Variants in TNFSF18 observed in about 807,000 individuals in gnomAD.
TNFSF18 encodes tumor necrosis factor ligand superfamily member 18.
A neutral mutation model predicts 9.6 loss-of-function variants in TNFSF18; 6 were observed. The ratio of observed to expected loss-of-function variants is 0.63; its 90% CI spans 0.34 to 1.24. The LOEUF is 1.24. Among genes scored for constraint, TNFSF18 ranks in the 50% most tolerant of loss-of-function variants. TNFSF18 has a pLI of 0.03. For synonymous variants in TNFSF18, 68 were observed against 71.7 expected (o/e 0.95, Z 0.26); for missense variants, 210 against 201.0 (o/e 1.04, Z -0.27).
intron 1 of TNFSF18, among the ~76,000 whole-genome samples, chr1:173,048,019 C>T (rs1393389619): frequency 6.6e-6 from 1 of 152,092 alleles, no homozygotes; most frequent in Non-Finnish European, 1.5e-5. Context: ...TACTTTATGT[C>T]AGATACTCTA....
In TNFSF18 at chr1:173,041,371, G is replaced by C; in HGVS notation, c.530C>G (p.Ser177Cys). 6.2e-7 allele frequency: 1 copy of C among 1,602,218 alleles called. No homozygotes were observed. Residue 177 changes from serine to cysteine, a missense_variant, in exon 3 of 3, where the codon TCC (serine) becomes TGC (cysteine). Physicochemically the swap from Ser to Cys is moderately radical, Grantham distance 112 (BLOSUM62 -1). Transcript: ENST00000404377. ...IILLANPQFI[S>C] ...TGAGGAGATCAAATCAAGTCTCTAGGAGATGAATTGGGGATTTGCTAGTAA... is the reference window on the plus strand; with the variant it reads ...TGAGGAGATCAAATCAAGTCTCTAGCAGATGAATTGGGGATTTGCTAGTAA...
intron 1 of TNFSF18, among the ~76,000 whole-genome samples, chr1:173,044,171 CT>C (rs1403217610): frequency 6.6e-6 from 1 of 152,062 alleles, no homozygotes; most frequent in Non-Finnish European, 1.5e-5. Context: ...TATTACCTAG[CT>C]TCCCTTTTAG....
intron 1 of TNFSF18, 38 bp downstream of exon 1, chr1:173,050,703 A>G: frequency 7.4e-7 from 1 of 1,358,158 alleles, no homozygotes; most frequent in Non-Finnish European, 1.0e-6. Flanking sequence ...ATAGAGGATT[A>G]TAGCAAATAG....
Position 173,040,143 on chromosome 1 carries a change from G to A in TNFSF18, c.*1224C>T, listed in dbSNP as rs562102170. ...TTTAGAAGTTAGCACATTTGACTAAGATGGGCCCTGCAAAGTGAAGAGGGG... is the reference window on the plus strand; with the variant it reads ...TTTAGAAGTTAGCACATTTGACTAAAATGGGCCCTGCAAAGTGAAGAGGGG... On this transcript the variant is annotated 3_prime_UTR_variant, in exon 3 of 3. Coordinates refer to ENST00000404377, the MANE Select transcript of TNFSF18 (RefSeq NM_005092.4). 3.3e-5 allele frequency: 5 copies of A among 151,978 alleles called. No individual in the cohort carries two copies. The highest frequency in any genetic ancestry group is 1.3e-4 in the Admixed American group (2 of 15,220). The allele number at this position is 151,978 out of a possible 1,614,324, so 9.4% of individuals were successfully genotyped here.
At chr1:173,041,776 TC>T in intron 2 of TNFSF18, 63 bp from the exon 3 acceptor site, 1 of 1,433,500 alleles carries the variant, frequency 7.0e-7, no homozygotes, top group African/African-American at 1.4e-5. Context: ...TTCATCCTTT[TC>T]CAGATTGTAG....
In TNFSF18 at chr1:173,041,368, T is replaced by C; in HGVS notation, c.533A>G (p.Ter178TrpextTer45). 6.2e-7 allele frequency: 1 copy of C among 1,600,376 alleles called. No individual in the cohort carries two copies. Among genetic ancestry groups the C allele is most frequent in the Non-Finnish European group, 8.5e-7 (1 of 1,172,636 alleles). Reference sequence around the variant, plus strand: ...GAATGAGGAGATCAAATCAAGTCTCTAGGAGATGAATTGGGGATTTGCTAG... The same window carrying C: ...GAATGAGGAGATCAAATCAAGTCTCCAGGAGATGAATTGGGGATTTGCTAG... ...ILLANPQFIS[*>W] The change falls in exon 3 of 3, where the codon TAG becomes TGG. Residue 178 changes from the stop codon to tryptophan, a stop_lost. Transcript: ENST00000404377.
rs755405106 is a variant in TNFSF18, at chr1:173,041,404, C to A, written c.497G>T (p.Gly166Val). 2.5e-6 allele frequency: 4 copies of A among 1,612,298 alleles called. No homozygotes were observed. In the East Asian group the frequency reaches 6.7e-5, roughly 27 times the overall value. Residue 166 changes from glycine to valine, a missense_variant, in exon 3 of 3, where the codon GGT (glycine) becomes GTT (valine). By Grantham distance (109) the Gly-to-Val change is moderately radical (BLOSUM62 -3). Transcript: ENST00000404377. ...HQVLKNNTYW[G>V]IILLANPQFI... Reference sequence around the variant, plus strand: ...TTGGGGATTTGCTAGTAAAATGATACCCCAGTATGTATTATTTTTTAGAAC... The same window carrying A: ...TTGGGGATTTGCTAGTAAAATGATAACCCAGTATGTATTATTTTTTAGAAC...
chr1:173,040,376 G>A lies in TNFSF18; in HGVS notation c.*991C>T, dbSNP rs1664970553. 6.6e-6 allele frequency: 1 copy of A among 152,146 alleles called. No individual in the cohort carries two copies. Among genetic ancestry groups the A allele is most frequent in the Non-Finnish European group, 1.5e-5 (1 of 68,026 alleles). The allele number at this position is 152,146 out of a possible 1,614,324, so 9.4% of individuals were successfully genotyped here. ...GCAGAAATAACAATTCTAAAGCTGAGACAGTGCAATGCAGGGGACTACCCA... is the reference window on the plus strand; with the variant it reads ...GCAGAAATAACAATTCTAAAGCTGAAACAGTGCAATGCAGGGGACTACCCA... On this transcript the variant is annotated 3_prime_UTR_variant, in exon 3 of 3. Transcript: ENST00000404377.
intron 1 of TNFSF18, among the ~76,000 whole-genome samples, chr1:173,045,595 A>G (rs1450174780): frequency 6.6e-6 from 1 of 152,044 alleles, no homozygotes; most frequent in East Asian, 1.9e-4. Context: ...GAAAAAAATG[A>G]GTGGAGTTTG....
chr1:173,041,573 C>T lies in TNFSF18; in HGVS notation c.328G>A (p.Val110Ile). The change falls in exon 3 of 3, where the codon GTA (valine) becomes ATA (isoleucine). Residue 110 changes from valine (V) to isoleucine (I), a missense_variant. Coordinates refer to ENST00000404377, the MANE Select transcript of TNFSF18 (RefSeq NM_005092.4). ...TACAGCCGCACCTCAAAAGGAGCTA[C>T]ATCATTGTAGTTTGCATTGGGAGCC... is the stretch of plus-strand genomic sequence containing the variant. ...QVAPNANYND[V>I]APFEVRLYKN... is the part of the protein sequence containing the mutation. 1 of 1,613,526 alleles carries T rather than the reference C, an allele frequency of 6.2e-7. No homozygotes were observed. The highest frequency in any genetic ancestry group is 2.2e-5 in the East Asian group (1 of 44,874).
chr1:173,047,520 A>C (rs1213694034), intron 1 of TNFSF18, among the ~76,000 whole-genome samples: 1 of 152,214 alleles, frequency 6.6e-6, no homozygotes, highest in Non-Finnish European at 1.5e-5. Flanking sequence ...TAAGCATGAG[A>C]AACAAATGTA....
At chr1:173,044,877 T>C (rs1302359290) in intron 1 of TNFSF18, among the ~76,000 whole-genome samples, 1 of 152,170 alleles carries the variant, frequency 6.6e-6, no homozygotes, top group Non-Finnish European at 1.5e-5. Context: ...GCTCTGTAGA[T>C]GGTGATACTT....
chr1:173,044,993 A>G (rs72637250), intron 1 of TNFSF18, among the ~76,000 whole-genome samples: 31,626 of 152,138 alleles, frequency 0.21, 4,860 homozygotes, highest in East Asian at 0.75. Context: ...TTGGAAAGAT[A>G]AAGTTGTTAT....
chr1:173,044,904 C>A (rs1665054942), intron 1 of TNFSF18, among the ~76,000 whole-genome samples: 1 of 152,048 alleles, frequency 6.6e-6, no homozygotes, highest in Admixed American at 6.6e-5. Flanking sequence ...AAAATAGAGC[C>A]AACAGAAGTT....
In TNFSF18 at chr1:173,041,212, T is replaced by C; in HGVS notation, c.*155A>G. Reference sequence around the variant, plus strand: ...GCTCTTCCCCTGAGTCTCTTTCAGATAGGCATGATAGATGAAAATTCACGT... The same window carrying C: ...GCTCTTCCCCTGAGTCTCTTTCAGACAGGCATGATAGATGAAAATTCACGT... On this transcript the variant is annotated 3_prime_UTR_variant, in exon 3 of 3. Coordinates refer to ENST00000404377, the MANE Select transcript of TNFSF18 (RefSeq NM_005092.4). 1.6e-6 allele frequency: 1 copy of C among 615,554 alleles called. No individual in the cohort carries two copies. The highest frequency in any genetic ancestry group is 2.7e-6 in the Non-Finnish European group (1 of 366,730). The allele number at this position is 615,554 out of a possible 1,614,324, so 38.1% of individuals were successfully genotyped here.
rs1305649599 is a variant in TNFSF18, at chr1:173,039,867, A to T, written c.*1500T>A. 2.0e-5 allele frequency: 3 copies of T among 152,048 alleles called. No homozygotes were observed. Among genetic ancestry groups the T allele is most frequent in the Non-Finnish European group, 4.4e-5 (3 of 68,002 alleles). The allele number at this position is 152,048 out of a possible 1,614,324, so 9.4% of individuals were successfully genotyped here. On this transcript the variant is annotated 3_prime_UTR_variant, in exon 3 of 3. Coordinates refer to ENST00000404377, the MANE Select transcript of TNFSF18 (RefSeq NM_005092.4). Reference sequence around the variant, plus strand: ...GTAGCTACTCAGCAGATGTTTTTTTAAAAAGTCATACTAAGAAACAACTTG... The same window carrying T: ...GTAGCTACTCAGCAGATGTTTTTTTTAAAAGTCATACTAAGAAACAACTTG...
chr1:173,050,309 A>G (rs1028486940), intron 1 of TNFSF18, among the ~76,000 whole-genome samples: 7 of 152,130 alleles, frequency 4.6e-5, no homozygotes, highest in Admixed American at 1.3e-4. Flanking sequence ...TCAAAGACAC[A>G]CAAACCACCT....
intron 1 of TNFSF18, among the ~76,000 whole-genome samples, chr1:173,048,156 G>A (rs141730526): frequency 6.6e-6 from 1 of 152,144 alleles, no homozygotes; most frequent in Admixed American, 6.5e-5. Context: ...GCAAGAATGA[G>A]ATCTACACCC....
At chr1:173,048,363 G>A (rs2101928492) in intron 1 of TNFSF18, among the ~76,000 whole-genome samples, 1 of 152,252 alleles carries the variant, frequency 6.6e-6, no homozygotes, top group East Asian at 1.9e-4. Context: ...GGCTCAAAAT[G>A]GCCAAAACAA....
Sources: gnomAD v4.1 joint callset for allele counts (sites outside exome capture counted in the v4.1 genomes callset) on GRCh38, gnomAD v4.1.1 for gene constraint, MANE v1.5 for transcripts, NCBI Gene and HGNC (gene_info 2026-07-23, HGNC 2026-07-21) for gene names.